The following ASIC2 variants were observed in gnomAD, a reference collection of about 807,000 sequenced individuals.
ASIC2 encodes the protein acid-sensing ion channel 2.
In ASIC2, 25 loss-of-function variants were observed where a neutral mutation model predicts 57.3. The ratio of observed to expected loss-of-function variants is 0.44; its 90% CI spans 0.32 to 0.61. The LOEUF is 0.61. Among genes scored for constraint, ASIC2 ranks in the 20% least tolerant of loss-of-function variants. ASIC2 has a pLI of 0.06. For missense variants in ASIC2, 641 were observed against 738.1 expected (o/e 0.87, Z 1.52); for synonymous variants, 319 against 307.5 (o/e 1.04, Z -0.39).
intron 1 of ASIC2, among the ~76,000 whole-genome samples, chr17:33,256,850 A>G (rs1219604271): frequency 6.6e-6 from 1 of 152,182 alleles, no homozygotes; most frequent in East Asian, 1.9e-4. Flanking sequence ...AATTACTGTA[A>G]GAGAAAAGCT....
intron 1 of ASIC2, among the ~76,000 whole-genome samples, chr17:33,359,986 G>A (rs1908536093): frequency 1.3e-5 from 2 of 151,986 alleles, no homozygotes; most frequent in South Asian, 4.2e-4. Flanking sequence ...CAGTTATTTG[G>A]GGTTTTCTGT....
At chr17:33,779,633 A>G (rs1911387521) in intron 1 of ASIC2, among the ~76,000 whole-genome samples, 1 of 152,092 alleles carries the variant, frequency 6.6e-6, no homozygotes, top group African/African-American at 2.4e-5. Context: ...AGTGTGGGAG[A>G]AATAATATAT....
At chr17:33,779,035 G>C (rs1379926102) in intron 1 of ASIC2, among the ~76,000 whole-genome samples, 3 of 152,130 alleles carry the variant, frequency 2.0e-5, no homozygotes, top group African/African-American at 2.4e-5. Context: ...CACATAGTAG[G>C]TGCTCAAAAA....
intron 1 of ASIC2, chr17:33,541,317 C>T (rs1915403102): frequency 6.6e-6 from 1 of 152,176 alleles, no homozygotes; most frequent in Non-Finnish European, 1.5e-5. Flanking sequence ...TTTTGTAGCC[C>T]TGGCCCCAAT....
At chr17:33,079,531 A>T (rs1338409393) in intron 3 of ASIC2, among the ~76,000 whole-genome samples, 1 of 151,994 alleles carries the variant, frequency 6.6e-6, no homozygotes, top group Non-Finnish European at 1.5e-5. Flanking sequence ...AGATTCTTGG[A>T]CTTCATCCTG....
intron 3 of ASIC2, among the ~76,000 whole-genome samples, chr17:33,046,695 T>TA (rs1338020939): frequency 6.6e-6 from 1 of 152,088 alleles, no homozygotes; most frequent in Non-Finnish European, 1.5e-5. Context: ...TAGCCCTGAA[T>TA]AAAAAAGGAA....
At chr17:34,081,519 C>T (rs1199812733) in intron 1 of ASIC2, among the ~76,000 whole-genome samples, 3 of 152,118 alleles carry the variant, frequency 2.0e-5, no homozygotes, top group African/African-American at 7.2e-5. Context: ...GAAATTAAGA[C>T]AATATTATTG....
At chr17:34,025,659 AT>A (rs1567792193) in intron 1 of ASIC2, among the ~76,000 whole-genome samples, 4 of 152,218 alleles carry the variant, frequency 2.6e-5, no homozygotes, top group African/African-American at 9.6e-5. Context: ...CACAAAGCCA[AT>A]GTAATAGCAG....
In ASIC2 at chr17:34,156,053, C is replaced by T. The variant is rs1338146796; in HGVS notation, c.480G>A (p.Val160=). The change falls in exon 1 of 10, where the codon GTG becomes GTA. Residue 160 remains valine, a synonymous_variant. Transcript: ENST00000359872. This position sits in a 1 kb window ranked among gnomAD's most constrained non-coding sequence, Gnocchi z 4.4. ...GCATCATATCCTTCAGGTCATGGCC[C>T]ACACGGTGCAGGAACTCCAGCATGC... The T allele has an allele frequency of 1.5e-5, 24 of 1,613,906 alleles. No individual in the cohort carries two copies. Among genetic ancestry groups the T allele is most frequent in the African/African-American group, 2.7e-5 (2 of 74,874 alleles).
intron 1 of ASIC2, among the ~76,000 whole-genome samples, chr17:33,857,867 T>C (rs1271876324): frequency 2.0e-5 from 3 of 152,206 alleles, no homozygotes. Context: ...GGGGAAAAGC[T>C]ACAAATATCT....
intron 2 of ASIC2, among the ~76,000 whole-genome samples, chr17:33,091,810 A>G (rs952110048): frequency 1.3e-5 from 2 of 152,238 alleles, no homozygotes; most frequent in Admixed American, 6.5e-5. Flanking sequence ...ACTGCGGACC[A>G]GTGGAACTTT....
chr17:33,981,915 C>T (rs374816165), intron 1 of ASIC2, among the ~76,000 whole-genome samples: 10 of 152,286 alleles, frequency 6.6e-5, no homozygotes, highest in South Asian at 4.2e-4. Flanking sequence ...AACTCACTTC[C>T]GTCTGATTCC....
intron 1 of ASIC2, among the ~76,000 whole-genome samples, chr17:33,822,402 G>C (rs2141893846): frequency 6.6e-6 from 1 of 152,316 alleles, no homozygotes; most frequent in Admixed American, 6.5e-5. Flanking sequence ...GGTGGGTATT[G>C]ATGGGGTTTG....
At chr17:33,298,929 G>A (rs1905835575) in intron 1 of ASIC2, among the ~76,000 whole-genome samples, 1 of 152,164 alleles carries the variant, frequency 6.6e-6, no homozygotes, top group African/African-American at 2.4e-5. Context: ...ACTGCTCAAC[G>A]AAATAAAAGA....
intron 1 of ASIC2, among the ~76,000 whole-genome samples, chr17:34,096,475 C>G (rs899892998): frequency 1.3e-5 from 2 of 152,178 alleles, no homozygotes; most frequent in Non-Finnish European, 1.5e-5. Flanking sequence ...TGGATTTTAA[C>G]CAGAGAGCAA....
At chr17:33,019,649 C>G (rs73984925) in intron 7 of ASIC2, among the ~76,000 whole-genome samples, 2 of 151,954 alleles carry the variant, frequency 1.3e-5, no homozygotes, top group Non-Finnish European at 2.9e-5. Context: ...AAGCGGCACA[C>G]GCTCTCATCA....
intron 1 of ASIC2, among the ~76,000 whole-genome samples, chr17:33,282,398 C>T (rs8065644): frequency 0.016 from 2,471 of 152,108 alleles, 72 homozygotes; most frequent in African/African-American, 0.057. Flanking sequence ...CCTCTTCCAT[C>T]TTCAAAGCCA....
chr17:33,126,907 C>G (rs994385106), intron 1 of ASIC2, among the ~76,000 whole-genome samples: 1 of 120,808 alleles, frequency 8.3e-6, no homozygotes, highest in Admixed American at 9.7e-5. Flanking sequence ...GTCGCCCAGG[C>G]GGGACTGCGG....
At chr17:33,083,632 A>G (rs1291071267) in intron 3 of ASIC2, among the ~76,000 whole-genome samples, 1 of 152,140 alleles carries the variant, frequency 6.6e-6, no homozygotes, top group Non-Finnish European at 1.5e-5. Flanking sequence ...GGTAGATGAA[A>G]CAAGGAAGGG....
Sources: allele counts gnomAD v4.1 joint callset (sites outside exome capture counted in the v4.1 genomes callset), GRCh38; gene constraint gnomAD v4.1.1; non-coding constraint Gnocchi (gnomAD v3.1); transcripts MANE v1.5; gene names NCBI Gene and HGNC (gene_info 2026-07-23, HGNC 2026-07-21).